Variants in SLC25A6 observed in about 807,000 individuals in gnomAD.
SLC25A6 encodes solute carrier family 25 member 6, also known as ADP/ATP translocase 3.
A neutral mutation model predicts 25.7 loss-of-function variants in SLC25A6; 9 were observed. That is an observed-to-expected ratio of 0.35 (90% CI 0.21 to 0.61). The LOEUF (loss-of-function observed/expected upper bound fraction) is 0.61, where lower values mean the gene tolerates loss of function less well. Ranked by LOEUF, SLC25A6 falls within the 20% of genes least tolerant of loss-of-function variation. The probability of loss-of-function intolerance (pLI) is 0.76; values close to 1 mark genes in which losing one functional copy is unlikely to be tolerated. For synonymous variants in SLC25A6, 223 were observed against 197.0 expected, an observed-to-expected ratio of 1.13 and a Z score of -1.11; for missense variants, 404 against 440.5, an observed-to-expected ratio of 0.92 and a Z score of 0.74.
chrX:1,388,100 G>C (rs1213975148), intron 2 of SLC25A6, among the ~76,000 whole-genome samples: 3 of 149,384 alleles, frequency 2.0e-5, no homozygotes, highest in Non-Finnish European at 4.4e-5. Flanking sequence ...AATGGACTAA[G>C]ACACCTCATA....
chrX:1,389,071 G>A (rs1342409972), intron 2 of SLC25A6, among the ~76,000 whole-genome samples, 170 bp downstream of exon 2: 1 of 151,602 alleles, frequency 6.6e-6, no homozygotes, highest in African/African-American at 2.4e-5. Flanking sequence ...ACAGAGGGAT[G>A]ATGCTGTGAG....
intron 3 of SLC25A6, 109 bp from the exon 4 acceptor site, chrX:1,386,868 G>T: frequency 1.5e-6 from 2 of 1,320,534 alleles, no homozygotes; most frequent in Non-Finnish European, 2.1e-6. Flanking sequence ...AGACGCCTGA[G>T]CCACAGTTCT....
At chrX:1,390,494 C>T (rs1409532485) in intron 1 of SLC25A6, among the ~76,000 whole-genome samples, 4 of 151,106 alleles carry the variant, frequency 2.6e-5, no homozygotes, top group Admixed American at 2.0e-4. Context: ...GGCAGAATGG[C>T]GTGAACCCAG....
At position 1,389,259 on chromosome X, in the gene SLC25A6, C is replaced by A; in HGVS notation, c.580G>T (p.Val194Leu). 6.2e-7 allele frequency: 1 copy of A among 1,613,528 alleles called. No individual in the cohort carries two copies. Residue 194 changes from valine to leucine, a missense_variant, in exon 2 of 4, where the codon GTG (valine) becomes TTG (leucine). Val to Leu is a conservative substitution (Grantham distance 32, BLOSUM62 1). Coordinates refer to ENST00000381401, the MANE Select transcript of SLC25A6 (RefSeq NM_001636.4). ...CACGTACCCTTGGCCGTATCGTACA[C>A]GCCGAAGTAGGCCGCCCGGTAGATG... ...IIIYRAAYFG[V>L]YDTAKGMLPD...
At position 1,387,408 on chromosome X, in the gene SLC25A6, C is replaced by A; in HGVS notation, c.610G>T (p.Asp204Tyr). 1 of 1,612,820 alleles carries A rather than the reference C, an allele frequency of 6.2e-7. No individual in the cohort carries two copies. The highest frequency in any genetic ancestry group is 8.5e-7 in the Non-Finnish European group (1 of 1,179,674). Residue 204 changes from aspartate to tyrosine, a missense_variant, in exon 3 of 4, where the codon GAC (aspartate) becomes TAC (tyrosine). By Grantham distance (160) the Asp-to-Tyr change is radical. Coordinates refer to ENST00000381401, the MANE Select transcript of SLC25A6 (RefSeq NM_001636.4). ...ACCACGATGTGCGTGTTCTTGGGGT[C>A]GGGGAGCATGCCTGCGCGGGAACGG... is the stretch of plus-strand genomic sequence containing the variant. ...VYDTAKGMLPDPKNTHIVVSW... is the reference protein window; with the variant it reads ...VYDTAKGMLPYPKNTHIVVSW...
Position 1,389,371 on chromosome X carries a change from G to A in SLC25A6, c.468C>T (p.Gly156=), listed in dbSNP as rs149853144. The part of the protein sequence containing the change: ...GKSGTEREFR[G]LGDCLVKITK... ...TGATCTTCACCAGGCAGTCTCCCAG[G>A]CCTCGGAACTCGCGCTCTGTGCCTG... is the stretch of plus-strand genomic sequence containing the variant. The change falls in exon 2 of 4, where the codon GGC becomes GGT. Residue 156 remains glycine (G), a synonymous_variant. Coordinates refer to ENST00000381401, the MANE Select transcript of SLC25A6 (RefSeq NM_001636.4). The A allele has an allele frequency of 3.7e-6, 6 of 1,613,786 alleles. No individual in the cohort carries two copies. Among genetic ancestry groups the A allele is most frequent in the Non-Finnish European group, 5.1e-6 (6 of 1,179,870 alleles).
intron 2 of SLC25A6, among the ~76,000 whole-genome samples, 187 bp downstream of exon 2, chrX:1,389,054 G>GAC (rs1197313472): frequency 6.6e-6 from 1 of 151,564 alleles, no homozygotes; most frequent in African/African-American, 2.4e-5. Context: ...TGAGGACACA[G>GAC]ACACACACAG....
intron 1 of SLC25A6, among the ~76,000 whole-genome samples, chrX:1,391,670 C>T (rs371421929): frequency 3.3e-5 from 5 of 152,232 alleles, no homozygotes; most frequent in Non-Finnish European, 7.3e-5. Context: ...CAATCCGTGC[C>T]GCATTTCCCC....
At position 1,389,410 on chromosome X, in the gene SLC25A6, C is replaced by A; in HGVS notation, c.429G>T (p.Ala143=). 4 of 1,613,720 alleles carry A rather than the reference C, an allele frequency of 2.5e-6. No individual in the cohort carries two copies. The highest frequency in any genetic ancestry group is 2.5e-6 in the Non-Finnish European group (3 of 1,179,852). ...PLDFARTRLA[A]DVGKSGTERE... is the part of the protein sequence containing the mutation. ...GCTCTGTGCCTGACTTTCCCACGTC[C>A]GCTGCCAGGCGGGTTCTGGCGAAAT... is the stretch of plus-strand genomic sequence containing the variant. The change falls in exon 2 of 4, where the codon GCG becomes GCT. Residue 143 remains alanine, a synonymous_variant. Transcript: ENST00000381401.
In SLC25A6 at chrX:1,387,439, C is replaced by T; in HGVS notation, c.599-20G>A. 2 of 1,610,076 alleles carry T rather than the reference C, an allele frequency of 1.2e-6. No individual in the cohort carries two copies. The highest frequency in any genetic ancestry group is 1.7e-6 in the Non-Finnish European group (2 of 1,179,066). On this transcript the variant is annotated intron_variant, in intron 2 of 3. Coordinates refer to ENST00000381401, the MANE Select transcript of SLC25A6 (RefSeq NM_001636.4). ...GCATGCCTGCGCGGGAACGGCACGT[C>T]ACCGTCTCCAGCGCCTGCACGGCCA...
intron 1 of SLC25A6, among the ~76,000 whole-genome samples, chrX:1,391,271 C>T (rs1306864554): frequency 6.6e-6 from 1 of 152,174 alleles, no homozygotes; most frequent in African/African-American, 2.4e-5. Context: ...CAAGCCTATT[C>T]ATTCCCATCA....
chrX:1,387,830 C>G (rs2089346085), intron 2 of SLC25A6, among the ~76,000 whole-genome samples: 1 of 151,938 alleles, frequency 6.6e-6, no homozygotes, highest in South Asian at 2.1e-4. Context: ...AGAGGTAAGA[C>G]TAAAGGAGGC....
At chrX:1,390,741 TCTCAAACTCCTGGG>T (rs1330837818) in intron 1 of SLC25A6, among the ~76,000 whole-genome samples, 1 of 147,616 alleles carries the variant, frequency 6.8e-6, no homozygotes, top group Non-Finnish European at 1.5e-5. Flanking sequence ...CCCTGGCTGG[TCTCAAACTCCTGGG>T]CTCAAACGAT....
chrX:1,389,271 C>A lies in SLC25A6; in HGVS notation c.568G>T (p.Ala190Ser), dbSNP rs770215111. 3.6e-5 allele frequency: 58 copies of A among 1,613,622 alleles called. No individual in the cohort carries two copies. The highest frequency in any genetic ancestry group is 5.0e-5 in the Admixed American group (3 of 59,982). ...GCCGTATCGTACACGCCGAAGTAGG[C>A]CGCCCGGTAGATGATGATGCCCTGC... ...SVQGIIIYRA[A>S]YFGVYDTAKG... The change falls in exon 2 of 4, where the codon GCC (alanine) becomes TCC (serine). Residue 190 changes from alanine (A) to serine (S), a missense_variant. Physicochemically the swap from Ala to Ser is moderately conservative, Grantham distance 99. Coordinates refer to ENST00000381401, the MANE Select transcript of SLC25A6 (RefSeq NM_001636.4).
In SLC25A6 at chrX:1,389,783, C is replaced by T. The variant is rs1385050751; in HGVS notation, c.112-56G>A. ...CCCAGGGCCAACCACCCAGAAACAT[C>T]CCAGCTACAGGGTGCATCCTTTTTT... On this transcript the variant is annotated intron_variant, in intron 1 of 3. Coordinates refer to ENST00000381401, the MANE Select transcript of SLC25A6 (RefSeq NM_001636.4). The T allele has an allele frequency of 4.4e-6, 7 of 1,589,002 alleles. No homozygotes were observed. The Admixed American group carries it at 5.1e-5, about 12-fold the overall frequency.
Position 1,386,402 on chromosome X carries a change from A to G in SLC25A6, c.*200T>C. 2 of 632,466 alleles carry G rather than the reference A, an allele frequency of 3.2e-6. No homozygotes were observed. Among genetic ancestry groups the G allele is most frequent in the Non-Finnish European group, 4.9e-6 (2 of 410,764 alleles). 39.2% of individuals were successfully genotyped at this position (632,466 alleles called of 1,614,324 possible). On this transcript the variant is annotated 3_prime_UTR_variant, in exon 4 of 4. Coordinates refer to ENST00000381401, the MANE Select transcript of SLC25A6 (RefSeq NM_001636.4). Reference sequence around the variant, plus strand: ...CACGGTTCCCTCCCACCCCGTGATCAAGACACGGAATCGGCTGCCGATGGT... The same window carrying G: ...CACGGTTCCCTCCCACCCCGTGATCGAGACACGGAATCGGCTGCCGATGGT...
rs182397609 is a variant in SLC25A6, at chrX:1,390,842, C to T, written c.111+1057G>A. ...ACTTTTTCTTAGAGACGGGGTCTTG[C>T]TATGTTGCCCTGGCTGGTCTCAAAC... is the stretch of plus-strand genomic sequence containing the variant. On this transcript the variant is annotated intron_variant, in intron 1 of 3. Transcript: ENST00000381401. Among the ~76,000 whole-genome samples the T allele has an allele frequency of 2.6e-3, 392 of 151,670 alleles. 2 individuals carry two copies. Among genetic ancestry groups the T allele is most frequent in the African/African-American group, 8.6e-3 (353 of 41,244 alleles).
chrX:1,388,121 A>C (rs1467253762), intron 2 of SLC25A6, among the ~76,000 whole-genome samples: 1 of 151,872 alleles, frequency 6.6e-6, no homozygotes, highest in Non-Finnish European at 1.5e-5. Flanking sequence ...AGAAGAGCAG[A>C]TAAGGACACA....
chrX:1,388,463 C>T (rs1415405417), intron 2 of SLC25A6, among the ~76,000 whole-genome samples: 1 of 151,904 alleles, frequency 6.6e-6, no homozygotes, highest in African/African-American at 2.4e-5. Context: ...CTGCCCACAC[C>T]TGGATCTCAG....
Sources: gnomAD v4.1 joint callset for allele counts (sites outside exome capture counted in the v4.1 genomes callset) on GRCh38, gnomAD v4.1.1 for gene constraint, MANE v1.5 for transcripts, NCBI Gene and HGNC (gene_info 2026-07-23, HGNC 2026-07-21) for gene names.